The following NEGR1 variants were observed in gnomAD, a reference collection of about 807,000 sequenced individuals.
The protein encoded by NEGR1 is IgLON family member 4.
In NEGR1, 10 loss-of-function variants were observed where a neutral mutation model predicts 40.9. The ratio of observed to expected loss-of-function variants is 0.24; its 90% CI spans 0.15 to 0.42. The LOEUF (loss-of-function observed/expected upper bound fraction) is 0.42. Among genes scored for constraint, NEGR1 ranks in the 10% least tolerant of loss-of-function variants. NEGR1 has a pLI of 1.00. For missense variants in NEGR1, 352 were observed against 438.9 expected, an observed-to-expected ratio of 0.80 and a Z score of 1.77; for synonymous variants, 185 against 166.8, an observed-to-expected ratio of 1.11 and a Z score of -0.84.
At chr1:71,964,934 T>C (rs965973391) in intron 1 of NEGR1, among the ~76,000 whole-genome samples, 2 of 152,118 alleles carry the variant, frequency 1.3e-5, no homozygotes, top group African/African-American at 4.8e-5. Context: ...GTTAGTTCTC[T>C]ACCTAAGAAT....
chr1:72,276,360 C>T (rs1351397055), intron 1 of NEGR1, among the ~76,000 whole-genome samples: 1 of 151,978 alleles, frequency 6.6e-6, no homozygotes, highest in African/African-American at 2.4e-5. Flanking sequence ...TTATTAAATT[C>T]AATAGGCAAC....
intron 1 of NEGR1, among the ~76,000 whole-genome samples, chr1:72,034,018 G>T (rs916990934): frequency 4.6e-5 from 7 of 152,124 alleles, no homozygotes; most frequent in African/African-American, 7.2e-5. Context: ...TCTTTTTAAA[G>T]AATTCATATC....
chr1:72,253,512 A>G (rs905823863), intron 1 of NEGR1, among the ~76,000 whole-genome samples: 17 of 152,216 alleles, frequency 1.1e-4, no homozygotes, highest in African/African-American at 4.1e-4. Context: ...AACATAGCCA[A>G]TTATGGGTCT....
chr1:72,220,733 G>A (rs1002681442), intron 1 of NEGR1, among the ~76,000 whole-genome samples: 1 of 151,982 alleles, frequency 6.6e-6, no homozygotes, highest in East Asian at 1.9e-4. Flanking sequence ...TTAGGACTTT[G>A]TAGGAGCTAG....
Position 72,199,451 on chromosome 1 carries a change from G to A in NEGR1, c.176+82868C>T, listed in dbSNP as rs750101574. Among the ~76,000 whole-genome samples, 49 of 151,996 alleles carry A rather than the reference G, an allele frequency of 3.2e-4. 1 individual carries two copies. Among genetic ancestry groups the A allele is most frequent in the Non-Finnish European group, 5.6e-4 (38 of 67,948 alleles). Reference sequence around the variant, plus strand: ...CAAAGCTAATAAGTGGAGAAATTGAGATTGTAGTTACAGGGACTGTGCAAT... The same window carrying A: ...CAAAGCTAATAAGTGGAGAAATTGAAATTGTAGTTACAGGGACTGTGCAAT... On this transcript the variant is annotated intron_variant, in intron 1 of 6. Transcript: ENST00000357731.
chr1:71,810,348 G>T (rs892510247), intron 2 of NEGR1, among the ~76,000 whole-genome samples: 1 of 152,014 alleles, frequency 6.6e-6, no homozygotes, highest in Non-Finnish European at 1.5e-5. Flanking sequence ...AGTATGGTGT[G>T]CCTCCCTTCC....
At chr1:71,981,487 T>G (rs76335179) in intron 1 of NEGR1, among the ~76,000 whole-genome samples, 1 of 152,086 alleles carries the variant, frequency 6.6e-6, no homozygotes, top group African/African-American at 2.4e-5. Flanking sequence ...TTTGAAGATA[T>G]ATTTTGAGAT....
intron 1 of NEGR1, among the ~76,000 whole-genome samples, chr1:72,185,468 G>A (rs1215282519): frequency 6.6e-6 from 1 of 151,802 alleles, no homozygotes; most frequent in Non-Finnish European, 1.5e-5. Context: ...CTTGTGCAGA[G>A]TCTGAAAATT....
At chr1:72,068,033 T>G (rs927201481) in intron 1 of NEGR1, among the ~76,000 whole-genome samples, 5 of 152,230 alleles carry the variant, frequency 3.3e-5, no homozygotes, top group Admixed American at 2.0e-4. Flanking sequence ...GCATCTCTTT[T>G]TTATTAGTAG....
intron 1 of NEGR1, among the ~76,000 whole-genome samples, chr1:72,185,573 T>C (rs1317391924): frequency 6.6e-6 from 1 of 151,908 alleles, no homozygotes; most frequent in Non-Finnish European, 1.5e-5. Context: ...ATGGAATTCA[T>C]TGAGATGTTA....
chr1:72,132,072 C>T (rs187226055), intron 1 of NEGR1, among the ~76,000 whole-genome samples: 1 of 151,974 alleles, frequency 6.6e-6, no homozygotes, highest in Admixed American at 6.6e-5. Context: ...GTACTCCAGC[C>T]TCGGTGAGAG....
intron 1 of NEGR1, among the ~76,000 whole-genome samples, chr1:71,985,964 T>C (rs1646390604): frequency 6.6e-6 from 1 of 152,152 alleles, no homozygotes; most frequent in Admixed American, 6.5e-5. Context: ...AGAAGGAAAC[T>C]GGAAAGGAGA....
At chr1:71,499,941 A>G (rs1052850283) in intron 6 of NEGR1, among the ~76,000 whole-genome samples, 9 of 152,164 alleles carry the variant, frequency 5.9e-5, no homozygotes, top group Non-Finnish European at 7.4e-5. Flanking sequence ...CCAACTGCCA[A>G]TCACAGCTAT....
chr1:71,653,763 ATT>A (rs11334161), intron 4 of NEGR1, among the ~76,000 whole-genome samples: 20 of 151,704 alleles, frequency 1.3e-4, no homozygotes, highest in East Asian at 9.7e-4. Context: ...TTTACGTGTG[ATT>A]TTTTTTTTAT....
intron 1 of NEGR1, among the ~76,000 whole-genome samples, chr1:72,092,107 G>T (rs887010459): frequency 6.6e-6 from 1 of 152,070 alleles, no homozygotes; most frequent in South Asian, 2.1e-4. Context: ...ATCAGTGTAA[G>T]TGAGTAGTGG....
chr1:71,566,559 G>A (rs547325272), intron 6 of NEGR1, among the ~76,000 whole-genome samples: 1 of 152,302 alleles, frequency 6.6e-6, no homozygotes, highest in South Asian at 2.1e-4. Context: ...GCTAGTAACA[G>A]AGTTGGATTT....
At chr1:72,165,122 C>T (rs1253824304) in intron 1 of NEGR1, among the ~76,000 whole-genome samples, 1 of 151,928 alleles carries the variant, frequency 6.6e-6, no homozygotes, top group African/African-American at 2.4e-5. Flanking sequence ...AGAACAATAT[C>T]TGTGTAGAAA....
chr1:71,410,129 C>G (rs1189693969), intron 6 of NEGR1, among the ~76,000 whole-genome samples: 1 of 152,048 alleles, frequency 6.6e-6, no homozygotes, highest in Non-Finnish European at 1.5e-5. Context: ...CGTCTTTTCA[C>G]TGATGCCACA....
intron 1 of NEGR1, among the ~76,000 whole-genome samples, chr1:71,996,377 C>A (rs1482224077): frequency 1.3e-5 from 2 of 152,104 alleles, no homozygotes; most frequent in Non-Finnish European, 2.9e-5. Flanking sequence ...CTTGCTATTT[C>A]TTCTGCCTAT....
Sources: allele counts gnomAD v4.1 joint callset (sites outside exome capture counted in the v4.1 genomes callset), GRCh38; gene constraint gnomAD v4.1.1; transcripts MANE v1.5; gene names NCBI Gene and HGNC (gene_info 2026-07-23, HGNC 2026-07-21).